Variants in PRPF18 observed in about 807,000 individuals in gnomAD.
PRPF18 encodes pre-mRNA processing factor 18.
A neutral mutation model predicts 46.5 loss-of-function variants in PRPF18; 38 were observed. The ratio of observed to expected loss-of-function variants is 0.82; its 90% confidence interval spans 0.63 to 1.07. The LOEUF is 1.07. PRPF18 is among the 50% of genes least tolerant of loss of function. The pLI is 0.00. For missense variants in PRPF18, 263 were observed against 410.0 expected (o/e 0.64, Z 3.10); for synonymous variants, 152 against 146.7 (o/e 1.04, Z -0.26).
intron 9 of PRPF18, among the ~76,000 whole-genome samples, chr10:13,626,815 T>TTC (rs1554811008): frequency 9.9e-5 from 15 of 151,344 alleles, no homozygotes; most frequent in Admixed American, 2.6e-4. Flanking sequence ...TTTTTTTTTT[T>TTC]CCCCTCAAAC....
intron 8 of PRPF18, among the ~76,000 whole-genome samples, chr10:13,614,980 CT>C (rs1481442165): frequency 6.6e-6 from 1 of 152,204 alleles, no homozygotes; most frequent in Non-Finnish European, 1.5e-5. Context: ...CAAGGGACTG[CT>C]GGCATTCCTG....
the PRPF18 span, chr10:13,646,926 G>T: frequency 1.1e-5 from 10 of 923,166 alleles, no homozygotes; most frequent in Non-Finnish European, 1.3e-5. Flanking sequence ...GATTAGGCCG[G>T]GCTGGCTCAC....
At chr10:13,636,721 T>A in the PRPF18 span, among the ~76,000 whole-genome samples, 1 of 152,162 alleles carries the variant, frequency 6.6e-6, no homozygotes, top group Non-Finnish European at 1.5e-5. Flanking sequence ...TGTTATTAAC[T>A]CCCCAGAAAT....
At chr10:13,616,629 C>T in intron 9 of PRPF18, 76 bp downstream of exon 9, 1 of 1,552,660 alleles carries the variant, frequency 6.4e-7, no homozygotes, top group Non-Finnish European at 8.8e-7. Context: ...GTCTGGAAAG[C>T]AGGCAGAGAA....
At chr10:13,645,181 T>C in the PRPF18 span, 3 of 152,186 alleles carry the variant, frequency 2.0e-5, no homozygotes, top group South Asian at 2.1e-4. Flanking sequence ...TCTGGTCTGG[T>C]AGAGCCTATG....
At chr10:13,628,971 A>G (rs7088503) in intron 9 of PRPF18, among the ~76,000 whole-genome samples, 82,849 of 151,944 alleles carry the variant, frequency 0.55, 23,112 homozygotes, top group South Asian at 0.62. Context: ...GGACATGTTT[A>G]CCGAGTGGTG....
At chr10:13,628,484 AC>A (rs148798474) in intron 9 of PRPF18, among the ~76,000 whole-genome samples, 1,957 of 152,342 alleles carry the variant, frequency 0.013, 40 homozygotes, top group South Asian at 0.05. Flanking sequence ...TAGATTACTT[AC>A]AATACCCAAC....
the PRPF18 span, among the ~76,000 whole-genome samples, chr10:13,649,959 GAGCAGCTTAGCC>G: frequency 6.6e-6 from 1 of 152,312 alleles, no homozygotes; most frequent in Non-Finnish European, 1.5e-5. Context: ...TGACCCAGAA[GAGCAGCTTAGCC>G]CTGGGCAGTC....
At chr10:13,590,456 T>C in intron 1 of PRPF18, among the ~76,000 whole-genome samples, 1 of 139,660 alleles carries the variant, frequency 7.2e-6, no homozygotes, top group Non-Finnish European at 1.5e-5. Context: ...AAAAAAAATA[T>C]ATATATATAT....
At chr10:13,648,825 G>C in the PRPF18 span, 2 of 152,160 alleles carry the variant, frequency 1.3e-5, no homozygotes, top group Non-Finnish European at 2.9e-5. Flanking sequence ...AACATGATCT[G>C]GGTCTGTTTG....
At chr10:13,628,611 T>C (rs2080546049) in intron 9 of PRPF18, among the ~76,000 whole-genome samples, 2 of 152,120 alleles carry the variant, frequency 1.3e-5, no homozygotes, top group Non-Finnish European at 2.9e-5. Flanking sequence ...GTTGAATCCA[T>C]GGACACATAA....
intron 2 of PRPF18, among the ~76,000 whole-genome samples, chr10:13,597,986 G>A (rs1020453225): frequency 6.6e-5 from 10 of 152,206 alleles, no homozygotes; most frequent in East Asian, 1.9e-4. Flanking sequence ...TTAAGCCATC[G>A]ATTTTATGTT....
chr10:13,597,910 A>G (rs1297886353), intron 2 of PRPF18, among the ~76,000 whole-genome samples: 1 of 152,106 alleles, frequency 6.6e-6, no homozygotes, highest in African/African-American at 2.4e-5. Flanking sequence ...AAAGACTTCA[A>G]AACATTTATT....
chr10:13,608,416 C>T (rs1212869772), intron 4 of PRPF18, among the ~76,000 whole-genome samples: 1 of 152,214 alleles, frequency 6.6e-6, no homozygotes, highest in African/African-American at 2.4e-5. Flanking sequence ...TGTCTGACTG[C>T]TTTCTTTGTT....
the PRPF18 span, chr10:13,655,760 A>ATTTTAT: frequency 1.3e-5 from 2 of 151,898 alleles, no homozygotes; most frequent in South Asian, 4.2e-4. Context: ...TCTGACTCTC[A>ATTTTAT]TTTTATTCTT....
the PRPF18 span, chr10:13,647,694 C>T: frequency 6.9e-6 from 1 of 143,950 alleles, no homozygotes; most frequent in East Asian, 2.0e-4. Context: ...AAAGTGTGTT[C>T]ATTTAAAATA....
Position 13,595,403 on chromosome 10 carries a change from T to TCC in PRPF18, c.67-2055_67-2054insCC, listed in dbSNP as rs1244114256. Among the ~76,000 whole-genome samples, 11 of 50,748 alleles carry TCC rather than the reference T, an allele frequency of 2.2e-4. No individual in the cohort carries two copies. In the East Asian group the frequency reaches 1.0e-2, roughly 46 times the overall value. The allele number at this position is 50,748 out of a possible 152,430, so 33.3% of individuals were successfully genotyped here. ...TGGAGAGTGTTTTTTCCTTTCTTTC[T>TCC]ACACAGCCCTTTCTGAGAGGATACC... On this transcript the variant is annotated intron_variant, in intron 1 of 9. Coordinates refer to ENST00000378572, the MANE Select transcript of PRPF18 (RefSeq NM_003675.4).
In PRPF18 at chr10:13,587,286, T is replaced by G; in HGVS notation, c.66+134T>G. ...TTAGCGAGTGTCCTGCCACTACCCC[T>G]GGTAGGCCCCCTTAGATCCAACCCT... On this transcript the variant is annotated intron_variant, in intron 1 of 9. Coordinates refer to ENST00000378572, the MANE Select transcript of PRPF18 (RefSeq NM_003675.4). 9 of 929,136 alleles carry G rather than the reference T, an allele frequency of 9.7e-6. No homozygotes were observed. In the South Asian group the frequency reaches 1.3e-4, roughly 13 times the overall value. 57.6% of individuals were successfully genotyped at this position (929,136 alleles called of 1,614,324 possible). A position where few individuals can be genotyped will look rare whatever the true frequency, so the allele number is the denominator to read the frequency against.
chr10:13,587,703 G>A (rs2079896996), intron 1 of PRPF18, among the ~76,000 whole-genome samples: 1 of 152,222 alleles, frequency 6.6e-6, no homozygotes, highest in South Asian at 2.1e-4. Flanking sequence ...CTCAGAAGGA[G>A]TACCTAAAAC....
Sources: gnomAD v4.1 joint callset for allele counts (sites outside exome capture counted in the v4.1 genomes callset) on GRCh38, gnomAD v4.1.1 for gene constraint, MANE v1.5 for transcripts, NCBI Gene and HGNC (gene_info 2026-07-23, HGNC 2026-07-21) for gene names.